The following PIBF1 variants were observed in gnomAD, a reference collection of about 807,000 sequenced individuals.
The protein encoded by PIBF1 is progesterone-induced-blocking factor 1.
A neutral mutation model predicts 112.5 loss-of-function variants in PIBF1; 90 were observed. The ratio of observed to expected loss-of-function variants is 0.80; its 90% CI spans 0.67 to 0.95. PIBF1 has a LOEUF of 0.95. Ranked by LOEUF, PIBF1 falls within the 40% of genes least tolerant of loss-of-function variation. The pLI is 0.00. For synonymous variants in PIBF1, 301 were observed against 288.6 expected, an observed-to-expected ratio of 1.04 and a Z score of -0.44; for missense variants, 915 against 852.3, an observed-to-expected ratio of 1.07 and a Z score of -0.92.
chr13:72,986,311 A>G (rs191682892), intron 16 of PIBF1, among the ~76,000 whole-genome samples: 232 of 152,354 alleles, frequency 1.5e-3, no homozygotes, highest in African/African-American at 5.3e-3. Flanking sequence ...AATGTCAGAA[A>G]GCAGAGTGGG....
At chr13:72,875,106 TA>T (rs1454964942) in intron 10 of PIBF1, among the ~76,000 whole-genome samples, 2 of 152,202 alleles carry the variant, frequency 1.3e-5, no homozygotes, top group Non-Finnish European at 1.5e-5. Context: ...ATTACTATAT[TA>T]TTTTACTGTC....
At chr13:72,801,661 T>G (rs146458520) in intron 5 of PIBF1, among the ~76,000 whole-genome samples, 1 of 152,220 alleles carries the variant, frequency 6.6e-6, no homozygotes, top group Non-Finnish European at 1.5e-5. Flanking sequence ...GTTTGGGATA[T>G]CTGCTTAAAA....
chr13:72,991,214 G>A (rs1594330160), intron 16 of PIBF1, among the ~76,000 whole-genome samples: 1 of 152,134 alleles, frequency 6.6e-6, no homozygotes, highest in Admixed American at 6.6e-5. Context: ...ATATTAAATG[G>A]CCAAGATGCA....
At chr13:72,856,292 A>G (rs551591809) in intron 10 of PIBF1, among the ~76,000 whole-genome samples, 1 of 152,286 alleles carries the variant, frequency 6.6e-6, no homozygotes, top group South Asian at 2.1e-4. Context: ...TGTTCTTCAC[A>G]AGTTGATATC....
At chr13:72,952,870 C>T (rs1303402545) in intron 14 of PIBF1, among the ~76,000 whole-genome samples, 1 of 136,444 alleles carries the variant, frequency 7.3e-6, no homozygotes, top group Non-Finnish European at 1.5e-5. Context: ...CTCTCATTCC[C>T]TAGTGATGTG....
At chr13:72,952,497 G>A (rs768513102) in intron 14 of PIBF1, among the ~76,000 whole-genome samples, 1 of 151,850 alleles carries the variant, frequency 6.6e-6, no homozygotes, top group African/African-American at 2.4e-5. Context: ...CTGGAGAGCT[G>A]TTGTGATCTT....
At position 72,795,436 on chromosome 13, in the gene PIBF1, A is replaced by G. The variant is rs559641371; in HGVS notation, c.431A>G (p.Gln144Arg). 12 of 1,610,160 alleles carry G rather than the reference A, an allele frequency of 7.5e-6. No individual in the cohort carries two copies. The South Asian group carries it at 1.2e-4, about 16-fold the overall frequency. ...AAACAACTAGAAGAGACAAATCTTCAGCTAAGAGAAAAAGCTGGAGATGTT... is the reference window on the plus strand; with the variant it reads ...AAACAACTAGAAGAGACAAATCTTCGGCTAAGAGAAAAAGCTGGAGATGTT... The part of the protein sequence containing the change: ...RQKQLEETNL[Q>R]LREKAGDVRR... Residue 144 changes from glutamine to arginine, a missense_variant, in exon 4 of 18, where the codon CAG becomes CGG. Gln to Arg is a conservative substitution (Grantham distance 43). Coordinates refer to ENST00000326291, the MANE Select transcript of PIBF1 (RefSeq NM_006346.4).
intron 9 of PIBF1, among the ~76,000 whole-genome samples, chr13:72,838,606 T>A (rs866578828): frequency 2.8e-4 from 42 of 152,136 alleles, no homozygotes; most frequent in African/African-American, 1.0e-3. Context: ...GGATTTGTTA[T>A]AGGTTGGTGT....
At chr13:72,917,956 G>A (rs1367437120) in intron 13 of PIBF1, among the ~76,000 whole-genome samples, 1 of 152,176 alleles carries the variant, frequency 6.6e-6, no homozygotes, top group Non-Finnish European at 1.5e-5. Context: ...TCCACAGGAG[G>A]TGGAGAATGT....
At position 72,835,358 on chromosome 13, in the gene PIBF1, C is replaced by G; in HGVS notation, c.1213C>G (p.Arg405Gly). ...AAATGCCTCTAGGGAAATGTATGAA[C>G]GAGAAAACAGGTAAAAAAAAAAAAA... ...LRNASREMYE[R>G]ENRNLREARD... Residue 405 changes from arginine (R) to glycine (G), a missense_variant, in exon 9 of 18, where the codon CGA (arginine) becomes GGA (glycine). Arg to Gly is a moderately radical substitution (Grantham distance 125). Transcript: ENST00000326291. The G allele has an allele frequency of 1.3e-6, 2 of 1,547,040 alleles. No individual in the cohort carries two copies. Among genetic ancestry groups the G allele is most frequent in the Admixed American group, 2.2e-5 (1 of 46,104 alleles).
chr13:72,853,776 C>G (rs1255546635), intron 9 of PIBF1, among the ~76,000 whole-genome samples: 1 of 152,122 alleles, frequency 6.6e-6, no homozygotes, highest in African/African-American at 2.4e-5. Flanking sequence ...TCATTGGATT[C>G]TCGTAAGGAA....
At chr13:72,971,505 G>A (rs182357763) in intron 15 of PIBF1, among the ~76,000 whole-genome samples, 1 of 152,188 alleles carries the variant, frequency 6.6e-6, no homozygotes, top group East Asian at 1.9e-4. Context: ...AGCTCTTGTG[G>A]GATCTCTGGC....
At position 72,827,918 on chromosome 13, in the gene PIBF1, A is replaced by T; in HGVS notation, c.1097+4A>T. ...ATGAAAAATATGTAGCATCCAGGCAAGATTTGCATTATTTCCCACGTAAAT... is the reference window on the plus strand; with the variant it reads ...ATGAAAAATATGTAGCATCCAGGCATGATTTGCATTATTTCCCACGTAAAT... On this transcript the variant is annotated splice_donor_region_variant and intron_variant, in intron 8 of 17. Transcript: ENST00000326291. The T allele has an allele frequency of 6.5e-7, 1 of 1,543,792 alleles. No homozygotes were observed. The highest frequency in any genetic ancestry group is 1.3e-5 in the South Asian group (1 of 78,198).
At chr13:73,003,201 C>T (rs915715996) in intron 17 of PIBF1, among the ~76,000 whole-genome samples, 39 of 151,820 alleles carry the variant, frequency 2.6e-4, no homozygotes, top group African/African-American at 8.5e-4. Context: ...ATATGAACGA[C>T]ATGATTCCCT....
chr13:72,825,793 C>G (rs1325196304), intron 6 of PIBF1, among the ~76,000 whole-genome samples: 1 of 151,824 alleles, frequency 6.6e-6, no homozygotes, highest in African/African-American at 2.4e-5. Flanking sequence ...AAGCTGGTTA[C>G]AGCGTGTCAT....
At position 72,782,163 on chromosome 13, in the gene PIBF1, C is replaced by T; in HGVS notation, c.-234C>T. 1 of 282,314 alleles carries T rather than the reference C, an allele frequency of 3.5e-6. No homozygotes were observed. Among genetic ancestry groups the T allele is most frequent in the African/African-American group, 2.2e-5 (1 of 46,128 alleles). The allele number at this position is 282,314 out of a possible 1,614,324, so 17.5% of individuals were successfully genotyped here. A position where few individuals can be genotyped will look rare whatever the true frequency, so the allele number is the denominator to read the frequency against. On this transcript the variant is annotated 5_prime_UTR_variant, in exon 1 of 18. Transcript: ENST00000326291. ...TGACTTCCGGCGGCTTGTGGGAGTG[C>T]TGGTTCTGTCCTCCTTGCGGGTGCG...
intron 16 of PIBF1, among the ~76,000 whole-genome samples, chr13:72,978,522 G>A (rs2325493): frequency 0.48 from 73,133 of 152,088 alleles, 18,725 homozygotes; most frequent in East Asian, 0.74. Context: ...GCCTCTGGGC[G>A]TGAAGTTATA....
chr13:72,963,300 A>C (rs1394977279), intron 14 of PIBF1, among the ~76,000 whole-genome samples: 2 of 152,224 alleles, frequency 1.3e-5, no homozygotes, highest in African/African-American at 2.4e-5. Flanking sequence ...TTGTGAGTTA[A>C]AGGAGATTAT....
At chr13:72,895,217 A>G (rs776781871) in intron 11 of PIBF1, among the ~76,000 whole-genome samples, 4 of 151,930 alleles carry the variant, frequency 2.6e-5, no homozygotes, top group Non-Finnish European at 2.9e-5. Flanking sequence ...AAGAAATTAT[A>G]TAGGAAAAAT....
Sources: allele counts gnomAD v4.1 joint callset (sites outside exome capture counted in the v4.1 genomes callset), GRCh38; gene constraint gnomAD v4.1.1; transcripts MANE v1.5; gene names NCBI Gene and HGNC (gene_info 2026-07-23, HGNC 2026-07-21).